The following BTF3L4 variants were observed in gnomAD, a reference collection of about 807,000 sequenced individuals.
The protein encoded by BTF3L4 is transcription factor BTF3 homolog 4.
BTF3L4 carries 6 observed loss-of-function variants against 16.8 expected under a neutral mutation model. That is an observed-to-expected ratio of 0.36 (90% CI 0.20 to 0.71). BTF3L4 has a LOEUF of 0.71. Among genes scored for constraint, BTF3L4 ranks in the 30% least tolerant of loss-of-function variants. The pLI, the probability that BTF3L4 is intolerant of heterozygous loss-of-function variation, is 0.58. For missense variants in BTF3L4, 92 were observed against 186.9 expected (o/e 0.49, Z 2.96); for synonymous variants, 39 against 59.8 (o/e 0.65, Z 1.60).
chr1:52,072,240 G>A (rs994252156), intron 3 of BTF3L4, among the ~76,000 whole-genome samples: 1 of 151,892 alleles, frequency 6.6e-6, no homozygotes, highest in Admixed American at 6.6e-5. Flanking sequence ...ATTTTTAGTA[G>A]AGATGGGGTT....
At chr1:52,064,717 G>A in intron 2 of BTF3L4, 108 bp from the exon 3 acceptor site, 1 of 589,144 alleles carries the variant, frequency 1.7e-6, no homozygotes, top group South Asian at 2.4e-5. Context: ...TTATTATTTT[G>A]TCCATTTTTT....
At chr1:52,068,680 C>T (rs1320443817) in intron 3 of BTF3L4, among the ~76,000 whole-genome samples, 3 of 152,072 alleles carry the variant, frequency 2.0e-5, no homozygotes, top group Non-Finnish European at 2.9e-5. Context: ...CCTCCTGTCC[C>T]TCCTCCCCCA....
chr1:52,072,211 C>T (rs1292197110), intron 3 of BTF3L4, among the ~76,000 whole-genome samples: 2 of 151,758 alleles, frequency 1.3e-5, no homozygotes, highest in Admixed American at 6.6e-5. Flanking sequence ...CCCGCCACCA[C>T]GCCTGGCTAA....
At chr1:52,061,635 CTTTTTTTTT>C (rs67186641) in intron 2 of BTF3L4, among the ~76,000 whole-genome samples, 1 of 65,016 alleles carries the variant, frequency 1.5e-5, no homozygotes, top group African/African-American at 5.8e-5. Context: ...TACAGCTATT[CTTTTTTTTT>C]TTTTTTTTTT....
chr1:52,078,413 A>T (rs554285007), intron 3 of BTF3L4, among the ~76,000 whole-genome samples: 1 of 152,076 alleles, frequency 6.6e-6, no homozygotes, highest in South Asian at 2.1e-4. Flanking sequence ...CATTCAGCAG[A>T]TTTGAGTGAT....
At position 52,086,831 on chromosome 1, in the gene BTF3L4, A is replaced by C; in HGVS notation, c.*73A>C. On this transcript the variant is annotated 3_prime_UTR_variant, in exon 6 of 6. Coordinates refer to ENST00000313334, the MANE Select transcript of BTF3L4 (RefSeq NM_152265.5). ...TATGTGGTTCCAAAGTTTTACAGAC[A>C]TGGAGAACATCACCTGTTACTAGTT... 1 of 863,416 alleles carries C rather than the reference A, an allele frequency of 1.2e-6. No individual in the cohort carries two copies. The highest frequency in any genetic ancestry group is 1.8e-6 in the Non-Finnish European group (1 of 546,808). 53.5% of individuals were successfully genotyped at this position (863,416 alleles called of 1,614,324 possible).
intron 3 of BTF3L4, among the ~76,000 whole-genome samples, chr1:52,073,495 C>CAT (rs1686849548): frequency 2.9e-5 from 2 of 68,038 alleles, no homozygotes; most frequent in Admixed American, 1.2e-4. Flanking sequence ...ATGCTACATA[C>CAT]ACACACACAC....
rs1198775160 is a variant in BTF3L4 at position 52,056,645 on chromosome 1, G to A, written c.-14+266G>A. On this transcript the variant is annotated intron_variant, in intron 1 of 5. Transcript: ENST00000313334. ...TGCCGCCCAGACCCTGTCCCAGGAGGCAGGTGGACGCCCCTCCTCTGTTCC... is the reference window on the plus strand; with the variant it reads ...TGCCGCCCAGACCCTGTCCCAGGAGACAGGTGGACGCCCCTCCTCTGTTCC... Among the ~76,000 whole-genome samples, 4 of 152,256 alleles carry A rather than the reference G, an allele frequency of 2.6e-5. No individual in the cohort carries two copies. In the East Asian group the frequency reaches 7.7e-4, roughly 29 times the overall value.
At chr1:52,084,130 TATTTTATTTC>T (rs972563755) in intron 4 of BTF3L4, among the ~76,000 whole-genome samples, 3 of 152,200 alleles carry the variant, frequency 2.0e-5, no homozygotes, top group African/African-American at 7.2e-5. Context: ...AATTTTATTT[TATTTTATTTC>T]ATTTTATTTA....
At chr1:52,063,835 A>G (rs1052376537) in intron 2 of BTF3L4, among the ~76,000 whole-genome samples, 1 of 152,178 alleles carries the variant, frequency 6.6e-6, no homozygotes, top group Admixed American at 6.6e-5. Context: ...TCTTGTGAGA[A>G]TCTGACCCCT....
At chr1:52,070,083 G>A (rs182410135) in intron 3 of BTF3L4, among the ~76,000 whole-genome samples, 155 of 152,184 alleles carry the variant, frequency 1.0e-3, no homozygotes, top group African/African-American at 3.6e-3. Flanking sequence ...TGAGTGTGGT[G>A]GTGCATGCCT....
intron 3 of BTF3L4, among the ~76,000 whole-genome samples, chr1:52,067,100 G>A (rs184622703): frequency 7.0e-4 from 106 of 152,156 alleles, no homozygotes; most frequent in African/African-American, 2.2e-3. Context: ...GCCAGGCATG[G>A]TAGTGCGTGC....
Position 52,061,513 on chromosome 1 carries a change from G to C in BTF3L4, c.54+1612G>C, listed in dbSNP as rs541585279. ...AAAAAAAAAAAAAAAAAAAGAAATA[G>C]GTAAGAGGGTTCATGAGATAGAGTA... On this transcript the variant is annotated intron_variant, in intron 2 of 5. Transcript: ENST00000313334. 6.0e-5 allele frequency among the ~76,000 whole-genome samples: 9 copies of C among 149,978 alleles called. No homozygotes were observed. The East Asian group carries it at 1.8e-3, about 29-fold the overall frequency.
chr1:52,058,943 C>T (rs1280228276), intron 1 of BTF3L4, among the ~76,000 whole-genome samples: 2 of 152,080 alleles, frequency 1.3e-5, no homozygotes, highest in Non-Finnish European at 2.9e-5. Flanking sequence ...AATGTGATGA[C>T]CCATTATAAA....
In BTF3L4 at chr1:52,088,559, C is replaced by G. The variant is rs1314811135; in HGVS notation, c.*1801C>G. On this transcript the variant is annotated 3_prime_UTR_variant, in exon 6 of 6. Coordinates refer to ENST00000313334, the MANE Select transcript of BTF3L4 (RefSeq NM_152265.5). ...CAGTCTACACAGTCCAGAATTCTTT[C>G]TCTAATTGTCCCAAAGGGGGACATT... 6.6e-6 allele frequency: 1 copy of G among 152,552 alleles called. No homozygotes were observed. The highest frequency in any genetic ancestry group is 2.4e-5 in the African/African-American group (1 of 41,428). The allele number at this position is 152,552 out of a possible 1,614,324, so 9.4% of individuals were successfully genotyped here.
intron 1 of BTF3L4, among the ~76,000 whole-genome samples, chr1:52,059,296 T>G (rs1257890857): frequency 6.6e-6 from 1 of 152,232 alleles, no homozygotes; most frequent in African/African-American, 2.4e-5. Context: ...ATAGAGGACA[T>G]GACTACTTGA....
In BTF3L4 at chr1:52,071,928, A is replaced by ACC. The variant is rs1491247129; in HGVS notation, c.168+6991_168+6992insCC. On this transcript the variant is annotated intron_variant, in intron 3 of 5. Coordinates refer to ENST00000313334, the MANE Select transcript of BTF3L4 (RefSeq NM_152265.5). ...CTTTTGGCTTTTTGTTTTGTTTTTTACTCTGTGTGTGTGTGTGTGTGTGTG... is the reference window on the plus strand; with the variant it reads ...CTTTTGGCTTTTTGTTTTGTTTTTTACCCTCTGTGTGTGTGTGTGTGTGTGTG... Among the ~76,000 whole-genome samples, 219 of 50,278 alleles carry ACC rather than the reference A, an allele frequency of 4.4e-3. 3 individuals are homozygous for ACC. In the East Asian group the frequency reaches 0.044, roughly 10 times the overall value. 33.0% of individuals were successfully genotyped at this position (50,278 alleles called of 152,430 possible).
At chr1:52,084,279 A>G (rs986866821) in intron 4 of BTF3L4, among the ~76,000 whole-genome samples, 13 of 152,192 alleles carry the variant, frequency 8.5e-5, no homozygotes, top group African/African-American at 3.1e-4. Flanking sequence ...AGCAGGGACT[A>G]CAGGTGGTGT....
chr1:52,066,962 C>T (rs12035670), intron 3 of BTF3L4, among the ~76,000 whole-genome samples: 46,701 of 150,692 alleles, frequency 0.31, 9,241 homozygotes, highest in East Asian at 0.79. Context: ...AGGGGCTGGG[C>T]GCAGTGGCTC....
Sources: gnomAD v4.1 joint callset for allele counts (sites outside exome capture counted in the v4.1 genomes callset) on GRCh38, gnomAD v4.1.1 for gene constraint, MANE v1.5 for transcripts, NCBI Gene and HGNC (gene_info 2026-07-23, HGNC 2026-07-21) for gene names.